The following CCDC57 variants were observed in gnomAD, a reference collection of about 807,000 sequenced individuals.
CCDC57 encodes the protein coiled-coil domain containing 57.
Under a neutral mutation model 118.9 loss-of-function variants are expected in CCDC57, and 118 were observed. That is an observed-to-expected ratio of 0.99 (90% CI 0.86 to 1.16). The LOEUF (loss-of-function observed/expected upper bound fraction) is 1.16, where lower values mean the gene tolerates loss of function less well. CCDC57 is among the 50% of genes most tolerant of loss of function. The probability of loss-of-function intolerance (pLI) is 0.00; values close to 1 mark genes in which losing one functional copy is unlikely to be tolerated. For missense variants in CCDC57, 1,300 were observed against 1,320.7 expected, an observed-to-expected ratio of 0.98 and a Z score of 0.24; for synonymous variants, 527 against 532.9, an observed-to-expected ratio of 0.99 and a Z score of 0.15.
chr17:82,184,015 ATGCG>A lies in CCDC57; in HGVS notation c.1053-87_1053-84del, dbSNP rs370836045. On this transcript the variant is annotated intron_variant, in intron 8 of 19. Coordinates refer to ENST00000665763, the Ensembl canonical transcript of CCDC57. ...ACACAGCACCCCCCAGCAAATACACATGCGCGCGCGCGCGCGCACACACACACAC... is the reference window on the plus strand; with the variant it reads ...ACACAGCACCCCCCAGCAAATACACACGCGCGCGCGCGCACACACACACAC... 9.5e-6 allele frequency: 5 copies of A among 525,056 alleles called. No individual in the cohort carries two copies. In the African/African-American group the frequency reaches 1.3e-4, roughly 13 times the overall value. The allele number at this position is 525,056 out of a possible 1,614,324, so 32.5% of individuals were successfully genotyped here.
rs1170927332 is a variant in CCDC57, at chr17:82,123,410, T to C, written c.2899+4282A>G. 5.3e-5 allele frequency among the ~76,000 whole-genome samples: 8 copies of C among 149,672 alleles called. No homozygotes were observed. The Admixed American group carries it at 5.4e-4, about 10-fold the overall frequency. ...TCCCCAAATGCTGCAATTACAGGAG[T>C]GAGCCACCGCCCGGCCTATAGCAAT... On this transcript the variant is annotated intron_variant, in intron 19 of 19. Coordinates refer to ENST00000665763, the Ensembl canonical transcript of CCDC57.
intron 2 of CCDC57, among the ~76,000 whole-genome samples, chr17:82,204,550 G>A (rs532975348): frequency 3.0e-4 from 46 of 152,294 alleles, no homozygotes; most frequent in African/African-American, 9.4e-4. Flanking sequence ...TTGGGAGGCC[G>A]AGGCGGGCGG....
intron 19 of CCDC57, among the ~76,000 whole-genome samples, chr17:82,104,175 C>T (rs2034674238): frequency 6.6e-6 from 1 of 152,250 alleles, no homozygotes; most frequent in Admixed American, 6.5e-5. Context: ...CCACTCTCTG[C>T]CCCGCCTTCT....
chr17:82,151,410 C>G, intron 16 of CCDC57, 150 bp downstream of exon 15: 1 of 757,276 alleles, frequency 1.3e-6, no homozygotes, highest in Non-Finnish European at 2.1e-6. Context: ...CACCCAGAAC[C>G]TGGCGCACCC....
In CCDC57 at chr17:82,193,977, C is replaced by T. The variant is rs965949322; in HGVS notation, c.776+5G>A. On this transcript the variant is annotated splice_donor_5th_base_variant and intron_variant, in intron 6 of 19. Coordinates refer to ENST00000665763, the Ensembl canonical transcript of CCDC57. The stretch of plus-strand genomic sequence containing the variant: ...CACGCCTCGGGAGATGAAGGACTCG[C>T]GCACCGGGCGCGGCTCATGGCCTCC... The T allele has an allele frequency of 3.1e-6, 5 of 1,606,392 alleles. No homozygotes were observed. Among genetic ancestry groups the T allele is most frequent in the African/African-American group, 2.7e-5 (2 of 74,814 alleles).
intron 19 of CCDC57, among the ~76,000 whole-genome samples, chr17:82,107,184 C>T (rs1231396822): frequency 6.6e-6 from 1 of 152,246 alleles, no homozygotes; most frequent in African/African-American, 2.4e-5. Flanking sequence ...CTCCCCACTC[C>T]CTCTTCTCCC....
chr17:82,173,405 A>C (rs565483411), intron 11 of CCDC57, among the ~76,000 whole-genome samples: 4 of 152,332 alleles, frequency 2.6e-5, no homozygotes, highest in African/African-American at 9.6e-5. Flanking sequence ...GAAAATACCC[A>C]AACTGAAGCT....
In CCDC57 at chr17:82,134,013, A is replaced by C. The variant is rs949764900; in HGVS notation, c.2577+60T>G. 1.1e-5 allele frequency: 15 copies of C among 1,306,622 alleles called. No individual in the cohort carries two copies. The East Asian group carries it at 4.7e-4, about 41-fold the overall frequency. 80.9% of individuals were successfully genotyped at this position (1,306,622 alleles called of 1,614,324 possible). A position where few individuals can be genotyped will look rare whatever the true frequency, so the allele number is the denominator to read the frequency against. ...ATTGTAATCTGAAGTTTCTGTAATGAAAACGACACAATTAGGGAAATATTT... is the reference window on the plus strand; with the variant it reads ...ATTGTAATCTGAAGTTTCTGTAATGCAAACGACACAATTAGGGAAATATTT... On this transcript the variant is annotated intron_variant, in intron 17 of 19. Coordinates refer to ENST00000665763, the Ensembl canonical transcript of CCDC57.
intron 8 of CCDC57, chr17:82,184,868 T>G (rs1372224414): frequency 6.6e-6 from 1 of 152,316 alleles, no homozygotes; most frequent in Non-Finnish European, 1.5e-5. Flanking sequence ...GCATCAACGT[T>G]TCCAGCCATC....
intron 17 of CCDC57, among the ~76,000 whole-genome samples, chr17:82,128,933 T>G (rs2037895592): frequency 6.6e-6 from 1 of 151,954 alleles, no homozygotes; most frequent in African/African-American, 2.4e-5. Context: ...TTTTTTTTTT[T>G]TTTGAGACGG....
intron 16 of CCDC57, among the ~76,000 whole-genome samples, chr17:82,137,040 G>T (rs2039297947): frequency 9.5e-6 from 1 of 105,340 alleles, no homozygotes; most frequent in South Asian, 3.5e-4. Flanking sequence ...TTGAGACAGA[G>T]TCTTGCTCTG....
chr17:82,188,318 A>C, exon 8 of CCDC57: 1 of 1,605,898 alleles, frequency 6.2e-7, no homozygotes. Context: ...CTGCAGCTCC[A>C]GAACCCTGGT....
Position 82,172,579 on chromosome 17 carries a change from C to T in CCDC57, c.1729+59G>A. On this transcript the variant is annotated intron_variant, in intron 12 of 19. Transcript: ENST00000665763. The surrounding 1 kb of genome is among the most constrained non-coding windows in gnomAD (Gnocchi z 5.2). ...AGTCAAGACCCATGCTCCCGTCTGT[C>T]CTCCTCCCTCCCTCTCCCCCTTCCT... is the stretch of plus-strand genomic sequence containing the variant. The T allele has an allele frequency of 7.0e-7, 1 of 1,432,808 alleles. No individual in the cohort carries two copies. Among genetic ancestry groups the T allele is most frequent in the Non-Finnish European group, 9.6e-7 (1 of 1,041,668 alleles). The allele number at this position is 1,432,808 out of a possible 1,614,324, so 88.8% of individuals were successfully genotyped here. A position where few individuals can be genotyped will look rare whatever the true frequency, so the allele number is the denominator to read the frequency against.
intron 16 of CCDC57, among the ~76,000 whole-genome samples, chr17:82,144,980 T>G (rs2145652335): frequency 6.6e-6 from 1 of 151,738 alleles, no homozygotes; most frequent in South Asian, 2.1e-4. Flanking sequence ...TTTACCTATT[T>G]AGATTGGCCC....
exon 5 of CCDC57, chr17:82,195,363 T>C: frequency 6.3e-7 from 1 of 1,586,582 alleles, no homozygotes; most frequent in Non-Finnish European, 8.6e-7. Flanking sequence ...CAGCAGCAGT[T>C]CCTGGAACAA....
rs1354779656 is a variant in CCDC57, at chr17:82,212,266, TAGAG to T, written c.-211+515_-211+518del. ...CGCCCAATAATTTTTGTATTTTTAG[TAGAG>T]AGGGGGTTTCACCATGTTGGCCAGG... On this transcript the variant is annotated intron_variant, in intron 1 of 19. Transcript: ENST00000665763. This position sits in a 1 kb window ranked among gnomAD's most constrained non-coding sequence, Gnocchi z 4.1. Among the ~76,000 whole-genome samples the T allele has an allele frequency of 1.3e-5, 2 of 152,060 alleles. No homozygotes were observed. The highest frequency in any genetic ancestry group is 4.8e-5 in the African/African-American group (2 of 41,396).
intron 18 of CCDC57, 114 bp from the exon 18 acceptor site, chr17:82,128,022 G>A: frequency 6.9e-7 from 1 of 1,455,746 alleles, no homozygotes; most frequent in Non-Finnish European, 9.1e-7. Context: ...CTGGCTTAAA[G>A]GCCCAGGCAG....
intron 2 of CCDC57, among the ~76,000 whole-genome samples, chr17:82,205,121 C>T (rs2049464634): frequency 1.4e-5 from 2 of 139,496 alleles, no homozygotes; most frequent in South Asian, 4.8e-4. Flanking sequence ...CACCTGTGCA[C>T]ACACAGGGAA....
intron 7 of CCDC57, among the ~76,000 whole-genome samples, chr17:82,191,057 T>C (rs1212939391): frequency 6.6e-6 from 1 of 151,496 alleles, no homozygotes; most frequent in Non-Finnish European, 1.5e-5. Context: ...CTTCACAGGA[T>C]GTCCAATGGT....
Sources: gnomAD v4.1 joint callset for allele counts (sites outside exome capture counted in the v4.1 genomes callset) on GRCh38, gnomAD v4.1.1 for gene constraint, Gnocchi (gnomAD v3.1) non-coding constraint, MANE v1.5 for transcripts, NCBI Gene and HGNC (gene_info 2026-07-23, HGNC 2026-07-21) for gene names.